The following RAP1GDS1 variants were observed in gnomAD, a reference collection of about 807,000 sequenced individuals.
RAP1GDS1 encodes RAP1, GTP-GDP dissociation stimulator 1.
Under a neutral mutation model 71.1 loss-of-function variants are expected in RAP1GDS1, and 35 were observed. The ratio of observed to expected loss-of-function variants is 0.49; its 90% CI spans 0.38 to 0.65. The LOEUF (loss-of-function observed/expected upper bound fraction) is 0.65. RAP1GDS1 is among the 30% of genes least tolerant of loss of function. RAP1GDS1 has a pLI of 0.00. For missense variants in RAP1GDS1, 663 were observed against 706.1 expected, an observed-to-expected ratio of 0.94 and a Z score of 0.69; for synonymous variants, 229 against 243.1, an observed-to-expected ratio of 0.94 and a Z score of 0.54.
intron 2 of RAP1GDS1, among the ~76,000 whole-genome samples, chr4:98,326,960 C>T (rs536029208): frequency 7.9e-5 from 12 of 152,152 alleles, no homozygotes; most frequent in East Asian, 1.9e-4. Context: ...CACACACAGA[C>T]GAGGAGAAAG....
intron 2 of RAP1GDS1, among the ~76,000 whole-genome samples, chr4:98,340,002 T>C (rs56959119): frequency 1.9e-3 from 281 of 150,376 alleles, no homozygotes; most frequent in African/African-American, 6.7e-3. Flanking sequence ...CAAGTTGGAA[T>C]AGCTGTTATT....
At chr4:98,324,344 C>T (rs528575639) in intron 2 of RAP1GDS1, among the ~76,000 whole-genome samples, 1 of 152,266 alleles carries the variant, frequency 6.6e-6, no homozygotes, top group East Asian at 1.9e-4. Flanking sequence ...GGCCGTACTA[C>T]CCAAGGTAAT....
chr4:98,358,426 TA>T (rs1427411246), intron 4 of RAP1GDS1, among the ~76,000 whole-genome samples: 1 of 152,076 alleles, frequency 6.6e-6, no homozygotes, highest in Non-Finnish European at 1.5e-5. Flanking sequence ...TTTTGGTGGT[TA>T]AACTTGCTTA....
chr4:98,357,918 G>A (rs1738183477), intron 4 of RAP1GDS1, among the ~76,000 whole-genome samples: 1 of 151,876 alleles, frequency 6.6e-6, no homozygotes, highest in Admixed American at 6.6e-5. Context: ...AAAAGTGTGT[G>A]TGACTCAGTG....
chr4:98,294,904 T>TTAA (rs1360965036), intron 2 of RAP1GDS1, among the ~76,000 whole-genome samples: 1 of 152,136 alleles, frequency 6.6e-6, no homozygotes, highest in Non-Finnish European at 1.5e-5. Flanking sequence ...TATATTTTTT[T>TTAA]GAACAGTTGT....
intron 1 of RAP1GDS1, among the ~76,000 whole-genome samples, chr4:98,261,786 C>T (rs950931662): frequency 1.3e-5 from 2 of 151,920 alleles, no homozygotes; most frequent in African/African-American, 4.8e-5. Context: ...GGGTCGGCCG[C>T]GGGCCGGACC....
In RAP1GDS1 at chr4:98,276,664, GA is replaced by G. The variant is rs1724245290; in HGVS notation, c.4+15097del. Among the ~76,000 whole-genome samples, 3 of 152,164 alleles carry G rather than the reference GA, an allele frequency of 2.0e-5. No homozygotes were observed. The South Asian group carries it at 6.2e-4, about 32-fold the overall frequency. On this transcript the variant is annotated intron_variant, in intron 1 of 14. Coordinates refer to ENST00000408927, the MANE Select transcript of RAP1GDS1 (RefSeq NM_001100427.2). ...ACAAAGACAGCAGCAAAAACATGAT[GA>G]ATGGCATCTAACACTGGACATCATT...
At chr4:98,398,233 A>G (rs1160517101) in intron 6 of RAP1GDS1, among the ~76,000 whole-genome samples, 3 of 152,086 alleles carry the variant, frequency 2.0e-5, no homozygotes, top group African/African-American at 7.2e-5. Context: ...AAAGGAAAAA[A>G]AAAAGGAGAT....
intron 3 of RAP1GDS1, among the ~76,000 whole-genome samples, chr4:98,348,516 GTTCT>G (rs1736655266): frequency 2.0e-5 from 3 of 152,138 alleles, no homozygotes; most frequent in Non-Finnish European, 2.9e-5. Context: ...GGTATTTCTA[GTTCT>G]AGATCCTTGA....
Position 98,414,433 on chromosome 4 carries a change from T to C in RAP1GDS1, c.764-2312T>C, listed in dbSNP as rs1432991081. On this transcript the variant is annotated intron_variant, in intron 7 of 14. Coordinates refer to ENST00000408927, the MANE Select transcript of RAP1GDS1 (RefSeq NM_001100427.2). The stretch of plus-strand genomic sequence containing the variant: ...GGATCCAGTTTCAGCTTTCTACATA[T>C]GGCTAGCCAGTTTTCCCAGCACCAT... Among the ~76,000 whole-genome samples, 5 of 141,736 alleles carry C rather than the reference T, an allele frequency of 3.5e-5. 1 individual carries two copies. In the East Asian group the frequency reaches 9.9e-4, roughly 28 times the overall value. The allele number at this position is 141,736 out of a possible 152,430, so 93.0% of individuals were successfully genotyped here.
At chr4:98,400,669 A>G (rs955144652) in intron 6 of RAP1GDS1, among the ~76,000 whole-genome samples, 1 of 152,106 alleles carries the variant, frequency 6.6e-6, no homozygotes, top group Non-Finnish European at 1.5e-5. Flanking sequence ...CCATTGTAGG[A>G]TAACTATCGT....
At chr4:98,407,913 T>C (rs1746387148) in intron 7 of RAP1GDS1, among the ~76,000 whole-genome samples, 2 of 151,954 alleles carry the variant, frequency 1.3e-5, no homozygotes, top group South Asian at 4.2e-4. Context: ...CACAAACATA[T>C]AATTACTACA....
At position 98,274,598 on chromosome 4, in the gene RAP1GDS1, C is replaced by G. The variant is rs530742592; in HGVS notation, c.4+13029C>G. ...CATTTATTTTTGTCACCATCAGTTG[C>G]AACACATCTTAACGGATTCCACTTC... On this transcript the variant is annotated intron_variant, in intron 1 of 14. Coordinates refer to ENST00000408927, the MANE Select transcript of RAP1GDS1 (RefSeq NM_001100427.2). 6.6e-5 allele frequency among the ~76,000 whole-genome samples: 10 copies of G among 152,236 alleles called. 1 individual carries two copies. In the South Asian group the frequency reaches 1.9e-3, roughly 28 times the overall value.
intron 6 of RAP1GDS1, among the ~76,000 whole-genome samples, chr4:98,399,028 G>T (rs1359615044): frequency 6.6e-6 from 1 of 152,090 alleles, no homozygotes; most frequent in Non-Finnish European, 1.5e-5. Flanking sequence ...TGCAATCCCT[G>T]TCAAAATACC....
chr4:98,332,120 T>A (rs988427636), intron 2 of RAP1GDS1, among the ~76,000 whole-genome samples: 1 of 152,228 alleles, frequency 6.6e-6, no homozygotes, highest in African/African-American at 2.4e-5. Context: ...CTTCTTCTTA[T>A]GGTAAACCCA....
At chr4:98,420,716 G>C (rs1006210124) in intron 11 of RAP1GDS1, among the ~76,000 whole-genome samples, 1 of 152,122 alleles carries the variant, frequency 6.6e-6, no homozygotes, top group African/African-American at 2.4e-5. Context: ...AGTACTTATA[G>C]TCCTGGTTTT....
chr4:98,334,060 A>G (rs1161676234), intron 2 of RAP1GDS1, among the ~76,000 whole-genome samples: 1 of 152,150 alleles, frequency 6.6e-6, no homozygotes, highest in Non-Finnish European at 1.5e-5. Context: ...TTATTTATCA[A>G]AGTTTTTTTA....
At position 98,410,991 on chromosome 4, in the gene RAP1GDS1, G is replaced by C. The variant is rs1437227684; in HGVS notation, c.764-5754G>C. On this transcript the variant is annotated intron_variant, in intron 7 of 14. Coordinates refer to ENST00000408927, the MANE Select transcript of RAP1GDS1 (RefSeq NM_001100427.2). ...CTAGGTGATAGATACATGGTTATTT[G>C]CTTTCTAATAATATATTAAACTTAA... Among the ~76,000 whole-genome samples the C allele has an allele frequency of 5.3e-5, 8 of 152,220 alleles. No individual in the cohort carries two copies. In the East Asian group the frequency reaches 1.2e-3, roughly 22 times the overall value.
chr4:98,429,525 A>C (rs1750107823), intron 12 of RAP1GDS1, among the ~76,000 whole-genome samples: 1 of 152,108 alleles, frequency 6.6e-6, no homozygotes. Context: ...TGAGGGATAA[A>C]AGACTACAAA....
Sources: gnomAD v4.1 joint callset for allele counts (sites outside exome capture counted in the v4.1 genomes callset) on GRCh38, gnomAD v4.1.1 for gene constraint, MANE v1.5 for transcripts, NCBI Gene and HGNC (gene_info 2026-07-23, HGNC 2026-07-21) for gene names.